ATRX: variants seen among roughly 807,000 people sequenced by gnomAD.
ATRX encodes the protein ATRX chromatin remodeler, also known as chromatin remodeler ATRX.
In ATRX, 12 loss-of-function variants were observed where a neutral mutation model predicts 172.6. The observed-to-expected ratio is 0.07, with a 90% CI of 0.04 to 0.11. ATRX has a LOEUF of 0.11. ATRX is among the 10% of genes least tolerant of loss of function. The pLI, the probability that ATRX is intolerant of heterozygous loss-of-function variation, is 1.00. For missense variants in ATRX, 1,368 were observed against 1,767.4 expected, an observed-to-expected ratio of 0.77 and a Z score of 4.05; for synonymous variants, 674 against 594.7, an observed-to-expected ratio of 1.13 and a Z score of -1.94.
chrX:77,615,904 T>C (rs2067336353), intron 22 of ATRX: 2 of 724,281 alleles, frequency 2.8e-6, no homozygotes, highest in Non-Finnish European at 3.3e-6. Context: ...GTAATATCAT[T>C]TGGGGAAAGG....
At chrX:77,584,261 T>C (rs2065928487) in intron 27 of ATRX, among the ~76,000 whole-genome samples, 1 of 111,429 alleles carries the variant, frequency 9.0e-6, no homozygotes, top group African/African-American at 3.3e-5. Flanking sequence ...AATCTACAGA[T>C]TCATTACAAT....
chrX:77,717,387 T>C, intron 1 of ATRX, 144 bp from the exon 2 acceptor site: 1 of 503,514 alleles, frequency 2.0e-6, no homozygotes. Flanking sequence ...AGGGAAATGT[T>C]ACAGTTGTGG....
intron 1 of ATRX, among the ~76,000 whole-genome samples, chrX:77,760,468 T>TGGGGGGA (rs1292098336): frequency 6.2e-5 from 1 of 16,110 alleles, no homozygotes; most frequent in Non-Finnish European, 1.1e-4. Context: ...TGTTGTGGGG[T>TGGGGGGA]GGGGGGAGGG....
intron 1 of ATRX, among the ~76,000 whole-genome samples, chrX:77,719,863 A>C (rs888753564): frequency 8.9e-6 from 1 of 111,893 alleles, no homozygotes; most frequent in African/African-American, 3.3e-5. Context: ...TCTTGACCCC[A>C]AAGCAACAGA....
At chrX:77,633,455 A>G in intron 18 of ATRX, 71 bp from the exon 19 acceptor site, 2 of 1,120,562 alleles carry the variant, frequency 1.8e-6, no homozygotes, top group Admixed American at 2.4e-5. Context: ...TTCCCACTGA[A>G]ATATGCATCA....
chrX:77,779,300 T>C (rs1261635851), intron 1 of ATRX, among the ~76,000 whole-genome samples: 1 of 109,149 alleles, frequency 9.2e-6, no homozygotes, highest in African/African-American at 3.3e-5. Context: ...TCTTTCTACT[T>C]TGAACTCACA....
At chrX:77,518,628 A>G (rs782533032) in intron 34 of ATRX, among the ~76,000 whole-genome samples, 1 of 112,004 alleles carries the variant, frequency 8.9e-6, no homozygotes, top group East Asian at 2.8e-4. Context: ...TACCAATGAC[A>G]TTCTTCACAG....
At chrX:77,559,482 G>A (rs1342114837) in intron 28 of ATRX, among the ~76,000 whole-genome samples, 8 of 77,070 alleles carry the variant, frequency 1.0e-4, no homozygotes, top group African/African-American at 2.5e-4. Context: ...TTTTTGAGAC[G>A]GAGACTCACT....
rs1557140828 is a variant in ATRX, at chrX:77,683,490, T to G, written c.1766A>C (p.Lys589Thr). The G allele has an allele frequency of 8.3e-7, 1 of 1,209,685 alleles. No homozygotes were observed. The highest frequency in any genetic ancestry group is 3.0e-5 in the East Asian group (1 of 33,844). ...TAKVTKELYVKLTPVSLSNSP... is the reference protein window; with the variant it reads ...TAKVTKELYVTLTPVSLSNSP... ...ATTAGAAAGGGAAACAGGAGTGAGT[T>G]TAACATATAATTCTTTTGTTACTTT... Residue 589 changes from lysine (K) to threonine (T), a missense_variant, in exon 9 of 35, where the codon AAA becomes ACA. By Grantham distance (78) the Lys-to-Thr change is moderately conservative. Coordinates refer to ENST00000373344, the MANE Select transcript of ATRX (RefSeq NM_000489.6).
intron 1 of ATRX, among the ~76,000 whole-genome samples, chrX:77,727,690 G>A (rs985541255): frequency 9.4e-6 from 1 of 106,050 alleles, no homozygotes; most frequent in Admixed American, 1.0e-4. Context: ...GGGGTTGGGG[G>A]CAAGGGGAGG....
At chrX:77,529,886 G>T (rs1557045593) in intron 30 of ATRX, among the ~76,000 whole-genome samples, 1 of 111,857 alleles carries the variant, frequency 8.9e-6, no homozygotes, top group Non-Finnish European at 1.9e-5. Context: ...GACAATATTA[G>T]ATCATTGAGA....
chrX:77,535,647 A>G (rs1461235602), intron 30 of ATRX, among the ~76,000 whole-genome samples: 1 of 111,856 alleles, frequency 8.9e-6, no homozygotes, highest in African/African-American at 3.2e-5. Context: ...CTCTAACTCA[A>G]TTATAGGTAC....
Position 77,506,629 on chromosome X carries a change from A to C in ATRX, c.*1722T>G, listed in dbSNP as rs1355879534. On this transcript the variant is annotated 3_prime_UTR_variant, in exon 35 of 35. Transcript: ENST00000373344. Reference sequence around the variant, plus strand: ...ACACACCTGCCCCACCCAATTAAATAAATCTGATTACATGGCTAGCATAAT... The same window carrying C: ...ACACACCTGCCCCACCCAATTAAATCAATCTGATTACATGGCTAGCATAAT... 5.8e-6 allele frequency: 1 copy of C among 173,594 alleles called. No homozygotes were observed. The highest frequency in any genetic ancestry group is 3.0e-5 in the African/African-American group (1 of 33,792). The allele number at this position is 173,594 out of a possible 1,213,427, so 14.3% of individuals were successfully genotyped here. A position where few individuals can be genotyped will look rare whatever the true frequency, so the allele number is the denominator to read the frequency against.
In ATRX at chrX:77,682,746, G is replaced by A. The variant is rs1161887514; in HGVS notation, c.2510C>T (p.Thr837Ile). Residue 837 changes from threonine (T) to isoleucine (I), a missense_variant, in exon 9 of 35, where the codon ACC becomes ATC. Transcript: ENST00000373344. ...TTTTGTATTTGGAATTCTTTTTTTG[G>A]TGGTTCTGGCAGCACCAATTTTACT... is the stretch of plus-strand genomic sequence containing the variant. Reference protein sequence around the residue: ...SMSKIGAARTTKKRIPNTKDF... With the variant: ...SMSKIGAARTIKKRIPNTKDF... 1 of 1,207,474 alleles carries A rather than the reference G, an allele frequency of 8.3e-7. No homozygotes were observed. Among genetic ancestry groups the A allele is most frequent in the African/African-American group, 1.8e-5 (1 of 56,721 alleles).
intron 27 of ATRX, among the ~76,000 whole-genome samples, chrX:77,575,302 C>T (rs2065574694): frequency 9.2e-6 from 1 of 109,056 alleles, no homozygotes; most frequent in Admixed American, 9.8e-5. Context: ...ATAGAAAACC[C>T]AGAATTTCCT....
At position 77,634,688 on chromosome X, in the gene ATRX, C is replaced by T. The variant is rs1557107214; in HGVS notation, c.4715G>A (p.Trp1572Ter). 8.3e-7 allele frequency: 1 copy of T among 1,209,216 alleles called. No homozygotes were observed. Among genetic ancestry groups the T allele is most frequent in the Non-Finnish European group, 1.1e-6 (1 of 893,482 alleles). Residue 1572 changes from tryptophan to a stop codon, truncating the protein, a stop_gained, in exon 17 of 35, where the codon TGG becomes TAG. Transcript: ENST00000373344. LOFTEE classifies it high-confidence loss of function. ...TTTCACAGACTCACAGCAGCAATCC[C>T]ACATAAACTGAACACCTAAAAATAA... ...PHQVDGVQFM[W>*]DCCCESVKKT...
At chrX:77,552,214 A>G (rs1280728459) in intron 30 of ATRX, among the ~76,000 whole-genome samples, 6 of 110,628 alleles carry the variant, frequency 5.4e-5, no homozygotes, top group African/African-American at 2.0e-4. Flanking sequence ...AACCAACCCA[A>G]ATGCCCACCA....
chrX:77,568,442 T>C (rs1296542958), intron 28 of ATRX, among the ~76,000 whole-genome samples: 1 of 111,820 alleles, frequency 8.9e-6, no homozygotes, highest in East Asian at 2.8e-4. Context: ...AATAGATCAT[T>C]TGAATAATCC....
At chrX:77,599,605 A>G in intron 24 of ATRX, 25 bp from the exon 25 acceptor site, 2 of 1,205,771 alleles carry the variant, frequency 1.7e-6, no homozygotes, top group Non-Finnish European at 2.2e-6. Flanking sequence ...ACAAACAAAC[A>G]AAAAAACACA....
Sources: gnomAD v4.1 joint callset for allele counts (sites outside exome capture counted in the v4.1 genomes callset) on GRCh38, gnomAD v4.1.1 for gene constraint, MANE v1.5 for transcripts, NCBI Gene and HGNC (gene_info 2026-07-23, HGNC 2026-07-21) for gene names.